Variants in LAMA5 observed in about 807,000 individuals in gnomAD.
The protein encoded by LAMA5 is laminin subunit alpha-5.
Under a neutral mutation model 433.4 loss-of-function variants are expected in LAMA5, and 260 were observed. The ratio of observed to expected loss-of-function variants is 0.60; its 90% CI spans 0.54 to 0.66. The LOEUF is 0.66. Among genes scored for constraint, LAMA5 ranks in the 30% least tolerant of loss-of-function variants. The probability of loss-of-function intolerance (pLI) is 0.00; values close to 1 mark genes in which losing one functional copy is unlikely to be tolerated. For missense variants in LAMA5, 5,378 were observed against 5,258.5 expected (o/e 1.02, Z -0.70); for synonymous variants, 2,620 against 2,226.6 (o/e 1.18, Z -4.97).
intron 11 of LAMA5, among the ~76,000 whole-genome samples, chr20:62,339,231 CTTTTTTTTTTTTTTTTTT>C (rs151158845): frequency 1.8e-5 from 1 of 55,960 alleles, no homozygotes; most frequent in Non-Finnish European, 3.3e-5. Context: ...ATTATAGTTT[CTTTTTTTTTTTTTTTTTT>C]TTTTTTGAGA....
In LAMA5 at chr20:62,310,433, C is replaced by T; in HGVS notation, c.10586G>A (p.Gly3529Glu). The T allele has an allele frequency of 6.2e-7, 1 of 1,604,166 alleles. No individual in the cohort carries two copies. Among genetic ancestry groups the T allele is most frequent in the Non-Finnish European group, 8.5e-7 (1 of 1,176,480 alleles). Residue 3529 changes from glycine to glutamate, a missense_variant, in exon 76 of 80, where the codon GGA (glycine) becomes GAA (glutamate). Transcript: ENST00000252999. Reference sequence around the variant, plus strand: ...CACCCACAGACCTAAAGTGATAACTCCCCCGCTGCCTGGGAAGAACAGGCC... The same window carrying T: ...CACCCACAGACCTAAAGTGATAACTTCCCCGCTGCCTGGGAAGAACAGGCC... ...EAGLFFPGSG[G>E]VITLDLPGAT...
intron 48 of LAMA5, among the ~76,000 whole-genome samples, chr20:62,321,223 G>A (rs570170640): frequency 8.6e-6 from 1 of 116,846 alleles, no homozygotes; most frequent in East Asian, 2.4e-4. Context: ...GGGGGCCAGT[G>A]GAGGAGGCGG....
At chr20:62,326,640 C>T (rs1447935706) in intron 40 of LAMA5, 37 bp downstream of exon 40, 6 of 1,555,596 alleles carry the variant, frequency 3.9e-6, no homozygotes, top group African/African-American at 2.7e-5. Flanking sequence ...AGCTGAGGTC[C>T]ATGAGGGACC....
At position 62,312,410 on chromosome 20, in the gene LAMA5, G is replaced by A; in HGVS notation, c.9350C>T (p.Ala3117Val). The change falls in exon 68 of 80, where the codon GCC (alanine) becomes GTC (valine). Residue 3117 changes from alanine (A) to valine (V), a missense_variant. Physicochemically the swap from Ala to Val is moderately conservative, Grantham distance 64. Transcript: ENST00000252999. ...NTTGVSAGCT[A>V]DLLVGRAMTF... ...GGGAGGGCTGCTCACCAGCAGGTCG[G>A]CGGTGCAGCCGGCGCTCACGCCTGT... The A allele has an allele frequency of 1.3e-6, 2 of 1,598,344 alleles. No homozygotes were observed. Among genetic ancestry groups the A allele is most frequent in the Non-Finnish European group, 1.7e-6 (2 of 1,179,366 alleles).
chr20:62,330,277 C>G (rs1363578977), intron 31 of LAMA5, among the ~76,000 whole-genome samples: 2 of 152,388 alleles, frequency 1.3e-5, no homozygotes, highest in South Asian at 2.1e-4. Flanking sequence ...CTTCCCAACG[C>G]ACGAGACAGA....
chr20:62,310,799 G>C lies in LAMA5; in HGVS notation c.10312C>G (p.Leu3438Val), dbSNP rs988671822. 2.6e-6 allele frequency: 4 copies of C among 1,554,746 alleles called. 1 individual carries two copies. Among genetic ancestry groups the C allele is most frequent in the African/African-American group, 2.7e-5 (2 of 73,702 alleles). The change falls in exon 75 of 80, where the codon CTG becomes GTG. Residue 3438 changes from leucine (L) to valine (V), a missense_variant. By Grantham distance (32) the Leu-to-Val change is conservative. Transcript: ENST00000252999. ...GCCCGGGCCCCGTCCGTCACCAGCA[G>C]GATCCGGTTCTTCTCCCAGCGCACG... is the stretch of plus-strand genomic sequence containing the variant. The part of the protein sequence containing the change: ...VSVRWEKNRI[L>V]LVTDGARAWS...
At chr20:62,363,217 C>T (rs993937152) in intron 1 of LAMA5, among the ~76,000 whole-genome samples, 9 of 152,194 alleles carry the variant, frequency 5.9e-5, no homozygotes, top group Non-Finnish European at 8.8e-5. Context: ...TTCCGGAGGC[C>T]TGTGGGGACC....
chr20:62,350,758 C>T (rs1269889351), intron 6 of LAMA5, among the ~76,000 whole-genome samples: 1 of 152,190 alleles, frequency 6.6e-6, no homozygotes. Flanking sequence ...GTTACACCCT[C>T]CGGGCACCAC....
intron 2 of LAMA5, among the ~76,000 whole-genome samples, chr20:62,355,026 C>G (rs892347285): frequency 6.6e-6 from 1 of 152,230 alleles, no homozygotes; most frequent in African/African-American, 2.4e-5. Flanking sequence ...CCGGCCCACA[C>G]CTCCCCTGAC....
At chr20:62,319,153 T>C in intron 51 of LAMA5, 140 bp from the exon 52 acceptor site, 1 of 869,502 alleles carries the variant, frequency 1.2e-6, no homozygotes, top group Non-Finnish European at 1.7e-6. Context: ...GGGTGGCCCC[T>C]AGAGCACCTG....
chr20:62,318,935 G>A lies in LAMA5; in HGVS notation c.6950C>T (p.Ala2317Val), dbSNP rs1987352889. The A allele has an allele frequency of 1.3e-6, 2 of 1,599,372 alleles. No individual in the cohort carries two copies. Among genetic ancestry groups the A allele is most frequent in the South Asian group, 1.1e-5 (1 of 89,616 alleles). Residue 2317 changes from alanine (A) to valine (V), a missense_variant, in exon 52 of 80, where the codon GCC (alanine) becomes GTC (valine). Transcript: ENST00000252999. ...PSGEQLLRTLAEVERLLWEMR... is the reference protein window; with the variant it reads ...PSGEQLLRTLVEVERLLWEMR... ...CTCCCAGAGCAGCCGCTCCACCTCGGCCAGTGTCCGGAGCAGCTGCTCACC... is the reference window on the plus strand; with the variant it reads ...CTCCCAGAGCAGCCGCTCCACCTCGACCAGTGTCCGGAGCAGCTGCTCACC...
intron 32 of LAMA5, 134 bp from the exon 33 acceptor site, chr20:62,329,387 A>T (rs1417965861): frequency 2.0e-6 from 1 of 497,372 alleles, no homozygotes; most frequent in Non-Finnish European, 3.4e-6. Flanking sequence ...AGCCCAGCCC[A>T]GCCCTGGGCC....
Position 62,333,658 on chromosome 20 carries a change from G to C in LAMA5, c.2927C>G (p.Ala976Gly). ...PVAFPPSTEPAFITVPQRGFG... is the reference protein window; with the variant it reads ...PVAFPPSTEPGFITVPQRGFG... The stretch of plus-strand genomic sequence containing the variant: ...GCCCCTCTGGGGCACGGTGATGAAG[G>C]CAGGCTCCGTGCTGGGTGGGAAGGC... The change falls in exon 24 of 80, where the codon GCC becomes GGC. Residue 976 changes from alanine (A) to glycine (G), a missense_variant. Ala to Gly is a moderately conservative substitution (Grantham distance 60). Coordinates refer to ENST00000252999, the MANE Select transcript of LAMA5 (RefSeq NM_005560.6). 6.3e-7 allele frequency: 1 copy of C among 1,594,064 alleles called. No homozygotes were observed. Among genetic ancestry groups the C allele is most frequent in the Non-Finnish European group, 8.5e-7 (1 of 1,172,050 alleles).
At chr20:62,357,231 T>C (rs902864318) in intron 2 of LAMA5, among the ~76,000 whole-genome samples, 1 of 152,162 alleles carries the variant, frequency 6.6e-6, no homozygotes, top group African/African-American at 2.4e-5. Context: ...CCAGTCAGCC[T>C]TCCCCGGCAG....
chr20:62,346,439 G>A, intron 9 of LAMA5, 67 bp downstream of exon 9: 1 of 1,476,602 alleles, frequency 6.8e-7, no homozygotes, highest in Non-Finnish European at 9.2e-7. Context: ...AGCCCCAAAG[G>A]CCCAAGAACA....
chr20:62,322,185 G>A lies in LAMA5; in HGVS notation c.6347-17C>T, dbSNP rs1568920154. The stretch of plus-strand genomic sequence containing the variant: ...ACTGGCAGCCTGTGGTGGGGGGCTT[G>A]GGTGAGCATGGCTGGCCTGGGACCT... On this transcript the variant is annotated splice_polypyrimidine_tract_variant and intron_variant, in intron 47 of 79. Coordinates refer to ENST00000252999, the MANE Select transcript of LAMA5 (RefSeq NM_005560.6). 6.3e-7 allele frequency: 1 copy of A among 1,582,146 alleles called. No homozygotes were observed. Among genetic ancestry groups the A allele is most frequent in the Non-Finnish European group, 8.6e-7 (1 of 1,166,514 alleles).
At position 62,367,113 on chromosome 20, in the gene LAMA5, G is replaced by C; in HGVS notation, c.133C>G (p.Leu45Val). ...GCCAGGTTGAAGTAGGGCGGGTGCA[G>C]GCTGAAGCCGCCGCCCGCCTCCTCC... ...AREEAGGGFSLHPPYFNLAEG... is the reference protein window; with the variant it reads ...AREEAGGGFSVHPPYFNLAEG... Residue 45 changes from leucine (L) to valine (V), a missense_variant, in exon 1 of 80, where the codon CTG (leucine) becomes GTG (valine). Transcript: ENST00000252999. The C allele has an allele frequency of 2.3e-6, 3 of 1,278,274 alleles. No homozygotes were observed. Among genetic ancestry groups the C allele is most frequent in the Non-Finnish European group, 3.0e-6 (3 of 1,015,496 alleles). 79.2% of individuals were successfully genotyped at this position (1,278,274 alleles called of 1,614,324 possible).
chr20:62,361,459 G>T (rs1258165982), intron 2 of LAMA5, among the ~76,000 whole-genome samples: 1 of 152,172 alleles, frequency 6.6e-6, no homozygotes, highest in Non-Finnish European at 1.5e-5. Flanking sequence ...AAAGGTGCCT[G>T]CCCCTTGGGG....
chr20:62,338,480 G>C lies in LAMA5; in HGVS notation c.1606C>G (p.Pro536Ala). Residue 536 changes from proline to alanine, a missense_variant, in exon 12 of 80, where the codon CCC becomes GCC. By Grantham distance (27) the Pro-to-Ala change is conservative. Transcript: ENST00000252999. ...AGAGGGGACTCACGCTGGCAGCCGG[G>C]GCCGTAGAACCCTGGCGCGCAGAGC... ...CELCAPGFYG[P>A]GCQPCQCSSP... The C allele has an allele frequency of 6.2e-7, 1 of 1,608,674 alleles. No homozygotes were observed. Among genetic ancestry groups the C allele is most frequent in the African/African-American group, 1.3e-5 (1 of 75,022 alleles).
Sources: allele counts gnomAD v4.1 joint callset (sites outside exome capture counted in the v4.1 genomes callset), GRCh38; gene constraint gnomAD v4.1.1; transcripts MANE v1.5; gene names NCBI Gene and HGNC (gene_info 2026-07-23, HGNC 2026-07-21).